The following EYS variants were observed in gnomAD, a reference collection of about 807,000 sequenced individuals.
EYS encodes the protein protein eyes shut homolog.
Under a neutral mutation model 282.1 loss-of-function variants are expected in EYS, and 250 were observed. The ratio of observed to expected loss-of-function variants is 0.89; its 90% CI spans 0.80 to 0.98. The LOEUF (loss-of-function observed/expected upper bound fraction) is 0.98. Ranked by LOEUF, EYS falls within the 50% of genes least tolerant of loss-of-function variation. EYS has a pLI of 0.00. For missense variants in EYS, 4,016 were observed against 3,709.0 expected (o/e 1.08, Z -2.15); for synonymous variants, 1,355 against 1,282.9 (o/e 1.06, Z -1.20).
intron 29 of EYS, among the ~76,000 whole-genome samples, chr6:64,333,886 C>G (rs73764062): frequency 2.6e-5 from 4 of 152,170 alleles, no homozygotes; most frequent in African/African-American, 7.2e-5. Context: ...TGTGGAGGTA[C>G]TAATCTGGGA....
At chr6:65,279,162 C>T (rs1469854003) in intron 12 of EYS, among the ~76,000 whole-genome samples, 1 of 151,976 alleles carries the variant, frequency 6.6e-6, no homozygotes, top group African/African-American at 2.4e-5. Context: ...GCACTTCACC[C>T]TGGGCGACAG....
intron 29 of EYS, among the ~76,000 whole-genome samples, chr6:64,362,451 G>C (rs1772048842): frequency 6.6e-6 from 1 of 151,698 alleles, no homozygotes; most frequent in Non-Finnish European, 1.5e-5. Context: ...AGTAGAGGTT[G>C]CTAATAAAGA....
At chr6:63,868,468 G>A (rs929734945) in intron 35 of EYS, among the ~76,000 whole-genome samples, 1 of 152,112 alleles carries the variant, frequency 6.6e-6, no homozygotes, top group Admixed American at 6.6e-5. Flanking sequence ...AACTCTTCTT[G>A]CACTCTTTGT....
chr6:65,052,259 GTGTGTGCATTTATGTA>G (rs892995705), intron 13 of EYS, among the ~76,000 whole-genome samples: 57 of 151,460 alleles, frequency 3.8e-4, no homozygotes, highest in Admixed American at 1.1e-3. Flanking sequence ...GTTTTTATGT[GTGTGTGCATTTATGTA>G]TGTGCTTAAT....
chr6:64,966,420 A>G (rs1770097532), intron 14 of EYS, among the ~76,000 whole-genome samples: 3 of 152,140 alleles, frequency 2.0e-5, no homozygotes, highest in African/African-American at 7.2e-5. Context: ...AATATGTCAT[A>G]TTCTATTAAA....
intron 1 of EYS, among the ~76,000 whole-genome samples, chr6:65,704,124 T>C (rs773363750): frequency 3.3e-5 from 5 of 152,212 alleles, no homozygotes; most frequent in Non-Finnish European, 7.3e-5. Context: ...ATGCCACCAC[T>C]GTGCATGTGG....
At chr6:63,913,937 T>A (rs1764348604) in intron 35 of EYS, among the ~76,000 whole-genome samples, 1 of 152,232 alleles carries the variant, frequency 6.6e-6, no homozygotes, top group South Asian at 2.1e-4. Flanking sequence ...TTTGTGACAT[T>A]TTGGTAATTC....
rs374189837 is a variant in EYS at position 64,232,619 on chromosome 6, G to A, written c.6192-1795C>T. Among the ~76,000 whole-genome samples the A allele has an allele frequency of 3.8e-4, 58 of 152,060 alleles. No individual in the cohort carries two copies. In the East Asian group the frequency reaches 8.1e-3, roughly 21 times the overall value. On this transcript the variant is annotated intron_variant, in intron 30 of 42. Coordinates refer to ENST00000503581, the MANE Select transcript of EYS (RefSeq NM_001142800.2). ...TTGGACAGGCTGGTCTCGAACTCCT[G>A]GCCTCAGGTGATCCACCAGCCTCGG...
chr6:65,614,252 C>G (rs1766105341), intron 2 of EYS, among the ~76,000 whole-genome samples: 1 of 151,926 alleles, frequency 6.6e-6, no homozygotes, highest in Admixed American at 6.6e-5. Context: ...AAAATTTAGA[C>G]TACCATATAA....
intron 5 of EYS, chr6:65,489,616 C>T (rs548776326): frequency 6.6e-6 from 1 of 152,146 alleles, no homozygotes; most frequent in Non-Finnish European, 1.5e-5. Flanking sequence ...CCCAGCAATC[C>T]CATTGCTGGG....
At chr6:65,399,868 T>C (rs1204574650) in intron 7 of EYS, among the ~76,000 whole-genome samples, 2 of 152,144 alleles carry the variant, frequency 1.3e-5, no homozygotes, top group East Asian at 3.9e-4. Context: ...TCTATATCTG[T>C]TTTGGCTTTG....
chr6:65,360,048 A>G (rs1426288800), intron 8 of EYS, among the ~76,000 whole-genome samples: 1 of 152,002 alleles, frequency 6.6e-6, no homozygotes, highest in East Asian at 1.9e-4. Flanking sequence ...AATATTTTCA[A>G]TGGAAGTTTT....
intron 9 of EYS, among the ~76,000 whole-genome samples, chr6:65,348,805 T>C (rs1043601851): frequency 1.3e-5 from 2 of 151,632 alleles, no homozygotes; most frequent in East Asian, 3.9e-4. Context: ...ATATGCTGGA[T>C]AGTTTCCCCA....
At chr6:64,952,979 T>G (rs576397404) in intron 14 of EYS, among the ~76,000 whole-genome samples, 1 of 152,036 alleles carries the variant, frequency 6.6e-6, no homozygotes, top group South Asian at 2.1e-4. Flanking sequence ...GGTACTAATA[T>G]AGTCATGGAG....
chr6:65,302,310 C>A (rs1408063661), intron 11 of EYS, among the ~76,000 whole-genome samples: 2 of 152,136 alleles, frequency 1.3e-5, no homozygotes, highest in Non-Finnish European at 2.9e-5. Flanking sequence ...GTTGGTTCGA[C>A]CTACAGGCGT....
At chr6:64,786,108 C>G (rs781696978) in intron 22 of EYS, among the ~76,000 whole-genome samples, 20 of 151,450 alleles carry the variant, frequency 1.3e-4, no homozygotes, top group Non-Finnish European at 2.5e-4. Context: ...CAGAATATAA[C>G]TCAGGTTTTA....
intron 30 of EYS, among the ~76,000 whole-genome samples, chr6:64,257,904 A>G (rs1048876013): frequency 6.6e-6 from 1 of 151,996 alleles, no homozygotes; most frequent in African/African-American, 2.4e-5. Context: ...AATTGTTGAC[A>G]ACTAAAAAGA....
Position 64,886,798 on chromosome 6 carries a change from T to G in EYS, c.2891A>C (p.Glu964Ala). Residue 964 changes from glutamate to alanine, a missense_variant, in exon 19 of 43, where the codon GAA becomes GCA. Transcript: ENST00000503581. ...CEPEYHGPFCELDVNKCKISP... is the reference protein window; with the variant it reads ...CEPEYHGPFCALDVNKCKISP... ...GATTTTACATTTATTTACATCAAGTTCACAGAAGGGCCCATGGTACTCAGG... is the reference window on the plus strand; with the variant it reads ...GATTTTACATTTATTTACATCAAGTGCACAGAAGGGCCCATGGTACTCAGG... The G allele has an allele frequency of 6.5e-7, 1 of 1,546,768 alleles. No individual in the cohort carries two copies. Among genetic ancestry groups the G allele is most frequent in the Non-Finnish European group, 8.7e-7 (1 of 1,144,212 alleles).
At chr6:65,222,913 G>A (rs189226885) in intron 12 of EYS, among the ~76,000 whole-genome samples, 29 of 152,196 alleles carry the variant, frequency 1.9e-4, no homozygotes, top group African/African-American at 6.3e-4. Flanking sequence ...CAGAAAACAC[G>A]TGAAATAAGG....
Sources: allele counts gnomAD v4.1 joint callset (sites outside exome capture counted in the v4.1 genomes callset), GRCh38; gene constraint gnomAD v4.1.1; transcripts MANE v1.5; gene names NCBI Gene and HGNC (gene_info 2026-07-23, HGNC 2026-07-21).